CELF2: variants seen among roughly 807,000 people sequenced by gnomAD.
CELF2 encodes CUGBP Elav-like family member 2.
A neutral mutation model predicts 62.6 loss-of-function variants in CELF2; 8 were observed. That is an observed-to-expected ratio of 0.13 (90% CI 0.07 to 0.23). CELF2 has a LOEUF of 0.23. CELF2 is among the 10% of genes least tolerant of loss of function. The probability of loss-of-function intolerance (pLI) is 1.00; values close to 1 mark genes in which losing one functional copy is unlikely to be tolerated. For missense variants in CELF2, 333 were observed against 671.0 expected, an observed-to-expected ratio of 0.50 and a Z score of 5.56; for synonymous variants, 258 against 250.0, an observed-to-expected ratio of 1.03 and a Z score of -0.30.
At chr10:10,508,918 CT>C in the CELF2 span, among the ~76,000 whole-genome samples, 1 of 152,134 alleles carries the variant, frequency 6.6e-6, no homozygotes, top group Non-Finnish European at 1.5e-5. Flanking sequence ...TCGTGATCCA[CT>C]CGCCTCGGCC....
At chr10:10,634,614 A>T in the CELF2 span, among the ~76,000 whole-genome samples, 1 of 151,806 alleles carries the variant, frequency 6.6e-6, no homozygotes, top group Non-Finnish European at 1.5e-5. Context: ...AATGCTAAAC[A>T]TCCCCAAATT....
At chr10:10,733,615 G>T in the CELF2 span, among the ~76,000 whole-genome samples, 2 of 152,002 alleles carry the variant, frequency 1.3e-5, no homozygotes, top group Non-Finnish European at 2.9e-5. Flanking sequence ...CATGGCTTGG[G>T]GGGGCCTCAC....
intron 1 of CELF2, among the ~76,000 whole-genome samples, chr10:10,877,926 T>G (rs191513077): frequency 2.1e-4 from 32 of 152,312 alleles, no homozygotes; most frequent in Admixed American, 5.2e-4. Flanking sequence ...TTCATCCAGA[T>G]AGGATCTAAT....
chr10:11,283,929 AGTGT>A (rs202025852), intron 8 of CELF2, among the ~76,000 whole-genome samples: 2 of 147,206 alleles, frequency 1.4e-5, no homozygotes, highest in South Asian at 2.2e-4. Flanking sequence ...ATGATGGATG[AGTGT>A]GTGGTGGGTG....
At chr10:11,123,401 C>A (rs945951180) in intron 1 of CELF2, among the ~76,000 whole-genome samples, 2 of 152,142 alleles carry the variant, frequency 1.3e-5, no homozygotes, top group Non-Finnish European at 2.9e-5. Context: ...CAGGCACACG[C>A]CACCATCCCT....
intron 1 of CELF2, among the ~76,000 whole-genome samples, chr10:10,826,165 A>G (rs1397734476): frequency 6.6e-6 from 1 of 151,936 alleles, no homozygotes; most frequent in Admixed American, 6.6e-5. Context: ...TAGTGATTGG[A>G]TGGGGCAAAA....
the CELF2 span, among the ~76,000 whole-genome samples, chr10:10,540,884 C>A: frequency 6.6e-6 from 1 of 152,072 alleles, no homozygotes; most frequent in Non-Finnish European, 1.5e-5. Flanking sequence ...GACTGTCAGC[C>A]CCCAAAAAGA....
At chr10:10,491,674 G>A in the CELF2 span, among the ~76,000 whole-genome samples, 1 of 152,162 alleles carries the variant, frequency 6.6e-6, no homozygotes. Context: ...CAAAAAGTTT[G>A]TGTTGCATTC....
chr10:10,815,036 C>G (rs894014687), intron 1 of CELF2, among the ~76,000 whole-genome samples: 3 of 152,160 alleles, frequency 2.0e-5, no homozygotes, highest in African/African-American at 7.2e-5. Context: ...TCTGCCTTGT[C>G]AAAGAGTGAG....
intron 1 of CELF2, among the ~76,000 whole-genome samples, chr10:10,866,874 C>G (rs770200411): frequency 6.3e-4 from 91 of 144,798 alleles, no homozygotes; most frequent in Non-Finnish European, 9.3e-4. Context: ...GAGCTGAGAT[C>G]ACACCGTTGC....
chr10:10,764,957 T>G, the CELF2 span, among the ~76,000 whole-genome samples: 2 of 152,266 alleles, frequency 1.3e-5, no homozygotes, highest in African/African-American at 4.8e-5. Flanking sequence ...GTGCAGTATT[T>G]TATTAGGGAG....
the CELF2 span, among the ~76,000 whole-genome samples, chr10:10,490,368 C>T: frequency 2.6e-5 from 4 of 152,250 alleles, no homozygotes; most frequent in Non-Finnish European, 4.4e-5. Context: ...TAATGTGATT[C>T]TGTGGAAAAT....
At position 10,906,447 on chromosome 10, in the gene CELF2, T is replaced by C. The variant is rs759570726; in HGVS notation, c.54-13517T>C. Among the ~76,000 whole-genome samples the C allele has an allele frequency of 9.8e-5, 15 of 152,310 alleles. 1 individual carries two copies. The highest frequency in any genetic ancestry group is 1.7e-4 in the African/African-American group (7 of 41,574). Reference sequence around the variant, plus strand: ...CCCAAGCTGCTGCCCTCATGGAATCTACAGTCTAGCACAGGAGACAAGCAG... The same window carrying C: ...CCCAAGCTGCTGCCCTCATGGAATCCACAGTCTAGCACAGGAGACAAGCAG... On this transcript the variant is annotated intron_variant, in intron 1 of 13. Transcript: ENST00000636488.
the CELF2 span, among the ~76,000 whole-genome samples, chr10:10,699,300 A>G: frequency 6.6e-6 from 1 of 152,238 alleles, no homozygotes; most frequent in Non-Finnish European, 1.5e-5. Context: ...CAATCATGAC[A>G]GTAATTATTC....
chr10:10,672,351 T>A, the CELF2 span, among the ~76,000 whole-genome samples: 2 of 152,224 alleles, frequency 1.3e-5, no homozygotes, highest in Non-Finnish European at 2.9e-5. Context: ...TCCTATGTTA[T>A]CTTCTAGGAG....
At chr10:11,100,219 A>G (rs11256974) in intron 1 of CELF2, among the ~76,000 whole-genome samples, 44,657 of 150,050 alleles carry the variant, frequency 0.3, 8,472 homozygotes, top group African/African-American at 0.55. Context: ...AAATAAATAA[A>G]TAAAATAAAT....
intron 1 of CELF2, among the ~76,000 whole-genome samples, chr10:11,059,216 C>T (rs1304704230): frequency 6.6e-6 from 1 of 152,208 alleles, no homozygotes; most frequent in Non-Finnish European, 1.5e-5. Context: ...CACATGATGC[C>T]ATTTTAATCA....
At chr10:11,068,302 A>G (rs986903241) in intron 1 of CELF2, among the ~76,000 whole-genome samples, 2 of 152,232 alleles carry the variant, frequency 1.3e-5, no homozygotes, top group African/African-American at 2.4e-5. Flanking sequence ...ATGATATTAC[A>G]AAACAGCATA....
chr10:10,605,802 A>G, the CELF2 span, among the ~76,000 whole-genome samples: 1 of 152,344 alleles, frequency 6.6e-6, no homozygotes, highest in East Asian at 1.9e-4. Context: ...AGTGCCAGGC[A>G]TGCTTTTGGG....
Sources: gnomAD v4.1 joint callset for allele counts (sites outside exome capture counted in the v4.1 genomes callset) on GRCh38, gnomAD v4.1.1 for gene constraint, MANE v1.5 for transcripts, NCBI Gene and HGNC (gene_info 2026-07-23, HGNC 2026-07-21) for gene names.